SLC60A1: variants seen among roughly 807,000 people sequenced by gnomAD.
SLC60A1 encodes solute carrier family 60 member 1.
chr1:205,593,297 C>G, the SLC60A1 span, among the ~76,000 whole-genome samples: 3 of 151,526 alleles, frequency 2.0e-5, no homozygotes, highest in Non-Finnish European at 2.9e-5. Flanking sequence ...GCTGAAACCC[C>G]GTCTCTACTA....
the SLC60A1 span, among the ~76,000 whole-genome samples, chr1:205,584,421 G>T: frequency 6.6e-6 from 1 of 151,170 alleles, no homozygotes; most frequent in African/African-American, 2.4e-5. Context: ...AAGGGGTTTC[G>T]CCACGTTGGC....
the SLC60A1 span, among the ~76,000 whole-genome samples, chr1:205,597,373 G>GTTTTTTGTTT: frequency 5.4e-5 from 2 of 37,228 alleles, no homozygotes; most frequent in Non-Finnish European, 1.4e-4. Flanking sequence ...AACCTAGGTT[G>GTTTTTTGTTT]TTTTTTTTTT....
the SLC60A1 span, chr1:205,599,213 T>A: frequency 1.2e-6 from 2 of 1,614,178 alleles, no homozygotes; most frequent in South Asian, 2.2e-5. Context: ...TATATCTTGC[T>A]CCTGTTTTTC....
chr1:205,591,030 C>T, the SLC60A1 span, among the ~76,000 whole-genome samples: 4 of 152,230 alleles, frequency 2.6e-5, no homozygotes, highest in Non-Finnish European at 4.4e-5. Context: ...GGGACTTCCA[C>T]CTGGGTCTTC....
the SLC60A1 span, chr1:205,579,773 C>CT: frequency 1.2e-6 from 2 of 1,614,166 alleles, no homozygotes; most frequent in Non-Finnish European, 1.7e-6. Context: ...ACTATGGGCC[C>CT]TGTTCACCTC....
At chr1:205,577,386 GTC>G in the SLC60A1 span, among the ~76,000 whole-genome samples, 1 of 152,194 alleles carries the variant, frequency 6.6e-6, no homozygotes, top group Non-Finnish European at 1.5e-5. The surrounding 1 kb of genome is among the most constrained non-coding windows in gnomAD (Gnocchi z 5.2). Flanking sequence ...TGGGTTGAGC[GTC>G]TCTGCAGAGC....
At chr1:205,570,251 G>C in the SLC60A1 span, among the ~76,000 whole-genome samples, 67 of 152,348 alleles carry the variant, frequency 4.4e-4, no homozygotes, top group African/African-American at 1.6e-3. Flanking sequence ...ATGGAAAACA[G>C]AGACCCATAA....
At chr1:205,599,827 G>T in the SLC60A1 span, 1 of 153,990 alleles carries the variant, frequency 6.5e-6, no homozygotes, top group East Asian at 1.9e-4. Context: ...GCCCTTACCT[G>T]CCCTTTTGCC....
At chr1:205,580,744 T>A in the SLC60A1 span, 1 of 1,613,720 alleles carries the variant, frequency 6.2e-7, no homozygotes, top group Non-Finnish European at 8.5e-7. This position sits in a 1 kb window ranked among gnomAD's most constrained non-coding sequence, Gnocchi z 5.0. Flanking sequence ...ACTGCTTGCC[T>A]GCCAATAGCA....
At chr1:205,577,549 G>A in the SLC60A1 span, among the ~76,000 whole-genome samples, 1 of 152,166 alleles carries the variant, frequency 6.6e-6, no homozygotes, top group Non-Finnish European at 1.5e-5. The surrounding 1 kb of genome is among the most constrained non-coding windows in gnomAD (Gnocchi z 5.2). Context: ...TCTAGAGACC[G>A]CAGCTGCTCT....
chr1:205,581,016 G>A, the SLC60A1 span: 1 of 1,468,192 alleles, frequency 6.8e-7, no homozygotes, highest in Non-Finnish European at 9.1e-7. The surrounding 1 kb of genome is among the most constrained non-coding windows in gnomAD (Gnocchi z 4.2). Flanking sequence ...CAGATGCTGA[G>A]AAACGTGCTG....
chr1:205,592,279 A>G, the SLC60A1 span: 1 of 1,613,162 alleles, frequency 6.2e-7, no homozygotes, highest in Non-Finnish European at 8.5e-7. Flanking sequence ...GACTCGCTGC[A>G]GTACAAAGGT....
chr1:205,574,203 T>C, the SLC60A1 span, among the ~76,000 whole-genome samples: 2 of 151,730 alleles, frequency 1.3e-5, no homozygotes, highest in African/African-American at 4.8e-5. Flanking sequence ...TTCCAGCACT[T>C]TGGGAGGCCA....
At chr1:205,580,629 A>ACCC in the SLC60A1 span, 16 of 639,772 alleles carry the variant, frequency 2.5e-5, no homozygotes, top group South Asian at 1.1e-4. This position sits in a 1 kb window ranked among gnomAD's most constrained non-coding sequence, Gnocchi z 5.0. Context: ...ACTGACCCCC[A>ACCC]CCCCCACCCG....
the SLC60A1 span, among the ~76,000 whole-genome samples, chr1:205,589,499 A>AT: frequency 2.6e-5 from 4 of 151,964 alleles, no homozygotes; most frequent in Non-Finnish European, 4.4e-5. Context: ...TTTTCTTTTT[A>AT]TTTTTTTGCA....
At chr1:205,571,300 G>A in the SLC60A1 span, among the ~76,000 whole-genome samples, 1 of 152,162 alleles carries the variant, frequency 6.6e-6, no homozygotes, top group Non-Finnish European at 1.5e-5. Flanking sequence ...TTGAACCCAG[G>A]TGTTGTCTCT....
chr1:205,575,489 C>T, the SLC60A1 span, among the ~76,000 whole-genome samples: 4 of 152,246 alleles, frequency 2.6e-5, no homozygotes, highest in South Asian at 2.1e-4. Flanking sequence ...CTGCTCAGGC[C>T]CTTCCCCTGT....
At chr1:205,575,381 C>T in the SLC60A1 span, among the ~76,000 whole-genome samples, 40 of 152,308 alleles carry the variant, frequency 2.6e-4, no homozygotes, top group African/African-American at 9.6e-4. Flanking sequence ...AATGTCGATG[C>T]CATCAGGCCC....
the SLC60A1 span, among the ~76,000 whole-genome samples, chr1:205,585,374 G>A: frequency 6.6e-6 from 1 of 152,124 alleles, no homozygotes; most frequent in Non-Finnish European, 1.5e-5. The surrounding 1 kb of genome is among the most constrained non-coding windows in gnomAD (Gnocchi z 4.2). Context: ...TACAAACCTG[G>A]GTGTCTCGAG....
Sources: gnomAD v4.1 joint callset for allele counts (sites outside exome capture counted in the v4.1 genomes callset) on GRCh38, gnomAD v4.1.1 for gene constraint, Gnocchi (gnomAD v3.1) non-coding constraint, MANE v1.5 for transcripts, NCBI Gene and HGNC (gene_info 2026-07-23, HGNC 2026-07-21) for gene names.